Variants in USH2A observed in about 807,000 individuals in gnomAD.
USH2A encodes the protein usherin, also known as Usher syndrome 2A (autosomal recessive, mild).
USH2A carries 443 observed loss-of-function variants against 538.9 expected under a neutral mutation model. The observed-to-expected ratio is 0.82, with a 90% CI of 0.76 to 0.89. The LOEUF (loss-of-function observed/expected upper bound fraction) is 0.89, where lower values mean the gene tolerates loss of function less well. Among genes scored for constraint, USH2A ranks in the 40% least tolerant of loss-of-function variants. The pLI is 0.00. For missense variants in USH2A, 6,633 were observed against 6,324.8 expected (o/e 1.05, Z -1.65); for synonymous variants, 2,413 against 2,273.5 (o/e 1.06, Z -1.75).
intron 13 of USH2A, 119 bp downstream of exon 13, chr1:216,246,466 C>T: frequency 8.0e-7 from 1 of 1,252,000 alleles, no homozygotes; most frequent in South Asian, 1.3e-5. Flanking sequence ...GATATAAATA[C>T]AGTAATGATT....
chr1:216,119,512 G>A (rs966411575), intron 21 of USH2A, among the ~76,000 whole-genome samples: 1 of 151,762 alleles, frequency 6.6e-6, no homozygotes, highest in African/African-American at 2.4e-5. Context: ...ATTATTCAAA[G>A]CAATAGGAAC....
At chr1:215,796,160 G>A (rs1662128137) in intron 50 of USH2A, among the ~76,000 whole-genome samples, 1 of 152,118 alleles carries the variant, frequency 6.6e-6, no homozygotes, top group Admixed American at 6.5e-5. Context: ...AAGCTCTGCT[G>A]TACACATAGG....
chr1:216,231,907 T>A (rs1385755876), intron 14 of USH2A, 46 bp downstream of exon 14: 4 of 1,612,178 alleles, frequency 2.5e-6, no homozygotes, highest in Non-Finnish European at 3.4e-6. Context: ...AAAAGTTAAC[T>A]GTTGCTAAAG....
At chr1:216,386,477 C>A (rs1274505843) in intron 3 of USH2A, among the ~76,000 whole-genome samples, 1 of 141,324 alleles carries the variant, frequency 7.1e-6, no homozygotes, top group Non-Finnish European at 1.5e-5. Context: ...CAGAGCGAGA[C>A]TCGTCTCAAA....
intron 67 of USH2A, among the ~76,000 whole-genome samples, chr1:215,644,503 A>C (rs1656786527): frequency 1.3e-5 from 2 of 152,204 alleles, no homozygotes; most frequent in African/African-American, 4.8e-5. Context: ...TTTAGGATTA[A>C]GATTTGGGCA....
At chr1:215,857,478 A>G (rs1320040967) in intron 44 of USH2A, among the ~76,000 whole-genome samples, 1 of 152,220 alleles carries the variant, frequency 6.6e-6, no homozygotes, top group East Asian at 1.9e-4. Context: ...GCCAGAAAAG[A>G]TTCTTCAAGG....
At chr1:215,916,699 C>T (rs1253975011) in intron 38 of USH2A, among the ~76,000 whole-genome samples, 1 of 151,998 alleles carries the variant, frequency 6.6e-6, no homozygotes, top group Non-Finnish European at 1.5e-5. Context: ...TCCCCAGTTA[C>T]AGTATATAAT....
rs184187783 is a variant in USH2A, at chr1:216,345,653, C to T, written c.785-17999G>A. 9.2e-5 allele frequency among the ~76,000 whole-genome samples: 14 copies of T among 152,198 alleles called. No individual in the cohort carries two copies. The East Asian group carries it at 2.5e-3, about 27-fold the overall frequency. Reference sequence around the variant, plus strand: ...TTTAAGCTACAGTGAATCTGTTGTACTTTGCACTGTGAATTTGTCTTCCTG... The same window carrying T: ...TTTAAGCTACAGTGAATCTGTTGTATTTTGCACTGTGAATTTGTCTTCCTG... On this transcript the variant is annotated intron_variant, in intron 4 of 71. Transcript: ENST00000307340.
At chr1:215,898,358 T>C (rs1665403590) in intron 40 of USH2A, among the ~76,000 whole-genome samples, 1 of 152,230 alleles carries the variant, frequency 6.6e-6, no homozygotes, top group Non-Finnish European at 1.5e-5. Flanking sequence ...ATGTGTGGTC[T>C]ATAAGGCTTG....
intron 22 of USH2A, among the ~76,000 whole-genome samples, chr1:216,093,273 T>C (rs2032349241): frequency 6.6e-6 from 1 of 152,196 alleles, no homozygotes; most frequent in South Asian, 2.1e-4. Flanking sequence ...GCTTTAACAA[T>C]TTTATTAATA....
Position 216,251,442 on chromosome 1 carries a change from C to CTTTTT in USH2A, c.1972-349_1972-345dup, listed in dbSNP as rs779947689. 3.7e-4 allele frequency among the ~76,000 whole-genome samples: 30 copies of CTTTTT among 80,340 alleles called. 3 individuals are homozygous for CTTTTT. The highest frequency in any genetic ancestry group is 5.8e-4 in the South Asian group (1 of 1,730). 52.7% of individuals were successfully genotyped at this position (80,340 alleles called of 152,430 possible). On this transcript the variant is annotated intron_variant, in intron 11 of 71. Coordinates refer to ENST00000307340, the MANE Select transcript of USH2A (RefSeq NM_206933.4). ...TTTAGTCTTTAGGACACCACTTCCC[C>CTTTTT]TTTTTTTTTTTTTTTTTTTTTTTTT...
intron 52 of USH2A, among the ~76,000 whole-genome samples, chr1:215,783,629 T>A (rs936035378): frequency 6.6e-6 from 1 of 152,216 alleles, no homozygotes; most frequent in Non-Finnish European, 1.5e-5. Flanking sequence ...AAAGTCTTAG[T>A]TCCATTTAGG....
At chr1:215,885,086 T>C (rs1436374302) in intron 41 of USH2A, among the ~76,000 whole-genome samples, 2 of 152,264 alleles carry the variant, frequency 1.3e-5, no homozygotes, top group African/African-American at 4.8e-5. Context: ...TTCTTATCAA[T>C]CCTCAATTCA....
intron 4 of USH2A, among the ~76,000 whole-genome samples, chr1:216,350,293 C>T (rs116345913): frequency 6.6e-6 from 1 of 152,174 alleles, no homozygotes; most frequent in African/African-American, 2.4e-5. Flanking sequence ...TCTGGCCCCT[C>T]CCAAATTTCA....
intron 11 of USH2A, among the ~76,000 whole-genome samples, chr1:216,285,128 A>T (rs1284103259): frequency 2.0e-5 from 3 of 152,240 alleles, no homozygotes; most frequent in Admixed American, 6.5e-5. Flanking sequence ...AAGAAGCCAA[A>T]TGTTAATCAC....
At position 215,637,647 on chromosome 1, in the gene USH2A, A is replaced by G. The variant is rs927575860; in HGVS notation, c.15052+1508T>C. On this transcript the variant is annotated intron_variant, in intron 69 of 71. Transcript: ENST00000307340. Reference sequence around the variant, plus strand: ...TGAGAAGAATTAAGTGTTGTAGGAAATTTTATATGACATCCAGACATGTAA... The same window carrying G: ...TGAGAAGAATTAAGTGTTGTAGGAAGTTTTATATGACATCCAGACATGTAA... 2.6e-5 allele frequency among the ~76,000 whole-genome samples: 4 copies of G among 152,340 alleles called. 1 individual carries two copies. In the East Asian group the frequency reaches 7.7e-4, roughly 29 times the overall value.
chr1:216,329,451 T>C (rs920867321), intron 4 of USH2A, among the ~76,000 whole-genome samples: 3 of 152,084 alleles, frequency 2.0e-5, no homozygotes, highest in African/African-American at 7.2e-5. Context: ...ATTTGGGGAA[T>C]AGGAAAGACG....
At chr1:216,197,896 G>T (rs765484049) in intron 18 of USH2A, among the ~76,000 whole-genome samples, 1 of 151,936 alleles carries the variant, frequency 6.6e-6, no homozygotes, top group Non-Finnish European at 1.5e-5. Flanking sequence ...ATTTATTTTG[G>T]AAAGATAAAT....
intron 3 of USH2A, among the ~76,000 whole-genome samples, chr1:216,395,669 C>T (rs111960592): frequency 0.021 from 3,158 of 152,262 alleles, 52 homozygotes; most frequent in Non-Finnish European, 0.031. Flanking sequence ...AAGGCTCATG[C>T]CCCTTAGGGG....
Sources: allele counts gnomAD v4.1 joint callset (sites outside exome capture counted in the v4.1 genomes callset), GRCh38; gene constraint gnomAD v4.1.1; transcripts MANE v1.5; gene names NCBI Gene and HGNC (gene_info 2026-07-23, HGNC 2026-07-21).